The following RORA variants were observed in gnomAD, a reference collection of about 807,000 sequenced individuals.
RORA encodes RAR related orphan receptor A, also known as nuclear receptor ROR-alpha.
Under a neutral mutation model 69.5 loss-of-function variants are expected in RORA, and 7 were observed. The observed-to-expected ratio is 0.10, with a 90% CI of 0.06 to 0.19. The LOEUF (loss-of-function observed/expected upper bound fraction) is 0.19. Among genes scored for constraint, RORA ranks in the 10% least tolerant of loss-of-function variants. RORA has a pLI of 1.00. For missense variants in RORA, 457 were observed against 663.0 expected, an observed-to-expected ratio of 0.69 and a Z score of 3.41; for synonymous variants, 261 against 240.8, an observed-to-expected ratio of 1.08 and a Z score of -0.78.
intron 1 of RORA, among the ~76,000 whole-genome samples, chr15:60,766,216 T>C (rs890312731): frequency 1.1e-4 from 16 of 152,076 alleles, no homozygotes; most frequent in Non-Finnish European, 5.9e-5. Context: ...TGGAATTGTG[T>C]GTGAGCCTGT....
chr15:60,851,223 G>A (rs1476964206), intron 1 of RORA, among the ~76,000 whole-genome samples: 1 of 152,176 alleles, frequency 6.6e-6, no homozygotes, highest in Admixed American at 6.5e-5. Flanking sequence ...TTATGAGCAG[G>A]AGCTGGATTT....
chr15:61,017,694 A>T (rs1053648863), intron 1 of RORA, among the ~76,000 whole-genome samples: 4 of 152,208 alleles, frequency 2.6e-5, no homozygotes, highest in African/African-American at 9.7e-5. Context: ...AGAGAAAATC[A>T]GCCACGAGCC....
chr15:61,035,206 A>G (rs1896394222), intron 1 of RORA, among the ~76,000 whole-genome samples: 1 of 152,086 alleles, frequency 6.6e-6, no homozygotes, highest in Non-Finnish European at 1.5e-5. Flanking sequence ...TGCATACTTT[A>G]TTACATCTGC....
At chr15:60,526,619 C>A (rs1421588218) in intron 3 of RORA, among the ~76,000 whole-genome samples, 2 of 152,188 alleles carry the variant, frequency 1.3e-5, no homozygotes, top group Non-Finnish European at 2.9e-5. Context: ...TATAACAGAA[C>A]CGAAACTCAG....
chr15:61,003,999 A>C (rs556888233), intron 1 of RORA, among the ~76,000 whole-genome samples: 39 of 98,098 alleles, frequency 4.0e-4, no homozygotes, highest in Admixed American at 7.8e-4. Flanking sequence ...TTCATGGCCC[A>C]AAAAAAAAAA....
chr15:61,200,256 T>G (rs2079883059), intron 1 of RORA, among the ~76,000 whole-genome samples: 1 of 152,150 alleles, frequency 6.6e-6, no homozygotes, highest in East Asian at 1.9e-4. Flanking sequence ...GAAAGCTATA[T>G]GGGGCTTCAC....
At chr15:61,156,611 G>A (rs558155876) in intron 1 of RORA, among the ~76,000 whole-genome samples, 1 of 152,302 alleles carries the variant, frequency 6.6e-6, no homozygotes, top group Non-Finnish European at 1.5e-5. Flanking sequence ...AGCACTCTGA[G>A]AAGGAGGAAA....
chr15:60,882,709 C>A lies in RORA; in HGVS notation c.167-204023G>T, dbSNP rs143230482. On this transcript the variant is annotated intron_variant, in intron 1 of 10. Coordinates refer to ENST00000335670, the MANE Select transcript of RORA (RefSeq NM_134261.3). Reference sequence around the variant, plus strand: ...CGGTCTAGAAGGATACACACCTAGACGTAACTGGTGATTACTGCTGGACAT... The same window carrying A: ...CGGTCTAGAAGGATACACACCTAGAAGTAACTGGTGATTACTGCTGGACAT... Among the ~76,000 whole-genome samples the A allele has an allele frequency of 6.9e-3, 1,045 of 151,870 alleles. 5 individuals carry two copies. Among genetic ancestry groups the A allele is most frequent in the Non-Finnish European group, 0.011 (731 of 67,962 alleles).
chr15:61,211,280 A>G (rs1329008742), intron 1 of RORA, among the ~76,000 whole-genome samples: 4 of 103,784 alleles, frequency 3.9e-5, no homozygotes, highest in African/African-American at 1.3e-4. Context: ...GAAGAAAACA[A>G]CAGCAAAAAA....
chr15:60,615,005 T>C (rs2069195699), intron 2 of RORA: 2 of 1,613,590 alleles, frequency 1.2e-6, no homozygotes, highest in African/African-American at 1.3e-5. Flanking sequence ...AACAGCCTGC[T>C]CAGGGAGCTA....
At chr15:60,987,412 G>A (rs1356427610) in intron 1 of RORA, among the ~76,000 whole-genome samples, 7 of 152,140 alleles carry the variant, frequency 4.6e-5, no homozygotes, top group Admixed American at 1.3e-4. Context: ...CATGGACTTC[G>A]AGGTTGACCA....
intron 1 of RORA, among the ~76,000 whole-genome samples, chr15:60,691,363 G>T (rs530332872): frequency 1.3e-5 from 2 of 152,146 alleles, no homozygotes; most frequent in African/African-American, 4.8e-5. Flanking sequence ...TTGAAGCAGG[G>T]ACTTCCCATC....
intron 3 of RORA, among the ~76,000 whole-genome samples, chr15:60,516,043 A>ATATATT (rs2065894763): frequency 2.2e-4 from 1 of 4,450 alleles, no homozygotes; most frequent in Non-Finnish European, 4.9e-4. Context: ...ATATATTTAT[A>ATATATT]TATTTATATA....
chr15:60,516,073 ATATTTATT>A (rs1267080617), intron 3 of RORA, among the ~76,000 whole-genome samples: 2 of 46,096 alleles, frequency 4.3e-5, no homozygotes, highest in African/African-American at 2.1e-4. Flanking sequence ...ATATTTATAT[ATATTTATT>A]TATATATATT....
At chr15:60,851,131 T>C (rs2073319827) in intron 1 of RORA, among the ~76,000 whole-genome samples, 1 of 152,170 alleles carries the variant, frequency 6.6e-6, no homozygotes, top group African/African-American at 2.4e-5. Flanking sequence ...CACCACCGCT[T>C]GAGTCATCAG....
chr15:60,988,478 T>C (rs1346452537), intron 1 of RORA, among the ~76,000 whole-genome samples: 6 of 152,238 alleles, frequency 3.9e-5, no homozygotes, highest in Non-Finnish European at 5.9e-5. Flanking sequence ...TTGGGGATTT[T>C]TGCTCATCTG....
chr15:61,164,853 T>G (rs1287576952), intron 1 of RORA, among the ~76,000 whole-genome samples: 15 of 152,290 alleles, frequency 9.8e-5, no homozygotes, highest in East Asian at 1.9e-4. Context: ...TTCCAGGTAA[T>G]TAGAGAGCAC....
At chr15:60,686,742 G>C (rs571462356) in intron 1 of RORA, 5 of 152,378 alleles carry the variant, frequency 3.3e-5, no homozygotes, top group Non-Finnish European at 4.4e-5. Context: ...GAAGTGAACT[G>C]TCTGTGGGTG....
At chr15:60,828,875 T>C (rs2073001058) in intron 1 of RORA, among the ~76,000 whole-genome samples, 1 of 152,198 alleles carries the variant, frequency 6.6e-6, no homozygotes, top group South Asian at 2.1e-4. Flanking sequence ...TCATTTGCAT[T>C]CATTATGGTC....
Sources: gnomAD v4.1 joint callset for allele counts (sites outside exome capture counted in the v4.1 genomes callset) on GRCh38, gnomAD v4.1.1 for gene constraint, MANE v1.5 for transcripts, NCBI Gene and HGNC (gene_info 2026-07-23, HGNC 2026-07-21) for gene names.